Variants in SYT1 observed in about 807,000 individuals in gnomAD.
SYT1 encodes the protein synaptotagmin-1.
A neutral mutation model predicts 44.8 loss-of-function variants in SYT1; 8 were observed. The ratio of observed to expected loss-of-function variants is 0.18; its 90% CI spans 0.10 to 0.32. The LOEUF is 0.32. Among genes scored for constraint, SYT1 ranks in the 10% least tolerant of loss-of-function variants. The probability of loss-of-function intolerance (pLI) is 1.00; values close to 1 mark genes in which losing one functional copy is unlikely to be tolerated. For missense variants in SYT1, 286 were observed against 509.3 expected (o/e 0.56, Z 4.22); for synonymous variants, 154 against 188.8 (o/e 0.82, Z 1.51).
intron 9 of SYT1, among the ~76,000 whole-genome samples, chr12:79,407,207 C>T (rs1335465902): frequency 6.6e-6 from 1 of 152,072 alleles, no homozygotes; most frequent in African/African-American, 2.4e-5. Flanking sequence ...TGATCTGTTA[C>T]TTATGACTAA....
At position 79,285,822 on chromosome 12, in the gene SYT1, G is replaced by A. The variant is rs1193400094; in HGVS notation, c.202G>A (p.Ala68Thr). 25 of 1,611,038 alleles carry A rather than the reference G, an allele frequency of 1.6e-5. No individual in the cohort carries two copies. Among genetic ancestry groups the A allele is most frequent in the African/African-American group, 2.7e-5 (2 of 74,602 alleles). Residue 68 changes from alanine to threonine, a missense_variant, in exon 5 of 11, where the codon GCA becomes ACA. By Grantham distance (58) the Ala-to-Thr change is moderately conservative (BLOSUM62 0). This residue lies in a region of SYT1 where 141 missense variants were observed against 165.7 expected (regional missense o/e 0.85). Coordinates refer to ENST00000261205, the MANE Select transcript of SYT1 (RefSeq NM_005639.3). ...GGCCTTAATTGCAATAGCCATAGTC[G>A]CAGTCCTTTTAGTCCTGACCTGCTG... is the stretch of plus-strand genomic sequence containing the variant. ...PWALIAIAIV[A>T]VLLVLTCCFC... is the part of the protein sequence containing the mutation.
chr12:78,884,028 T>C (rs1874601373), intron 1 of SYT1, among the ~76,000 whole-genome samples: 1 of 103,292 alleles, frequency 9.7e-6, no homozygotes, highest in East Asian at 2.9e-4. Flanking sequence ...TTTAAAATAC[T>C]CAATCTAATA....
chr12:79,014,978 G>A (rs1460809442), intron 2 of SYT1, among the ~76,000 whole-genome samples: 6 of 151,568 alleles, frequency 4.0e-5, no homozygotes, highest in South Asian at 2.1e-4. Flanking sequence ...ACCAAACACC[G>A]CATGTTCTCA....
At chr12:79,282,630 T>C (rs770987977) in intron 4 of SYT1, among the ~76,000 whole-genome samples, 53 of 152,282 alleles carry the variant, frequency 3.5e-4, no homozygotes, top group Admixed American at 1.9e-3. Context: ...TGTTATTTGC[T>C]TCACTGAATT....
chr12:78,981,966 A>G (rs1283045500), intron 2 of SYT1, among the ~76,000 whole-genome samples: 1 of 152,166 alleles, frequency 6.6e-6, no homozygotes, highest in Non-Finnish European at 1.5e-5. Context: ...TGGATAACCC[A>G]GAGAAGAAGG....
At chr12:79,354,745 T>C (rs979595034) in intron 9 of SYT1, among the ~76,000 whole-genome samples, 4 of 152,192 alleles carry the variant, frequency 2.6e-5, no homozygotes, top group African/African-American at 9.7e-5. Context: ...TCTAGAAGTA[T>C]AGAGTATTTA....
At chr12:79,204,385 A>G (rs1300305310) in intron 3 of SYT1, among the ~76,000 whole-genome samples, 1 of 152,228 alleles carries the variant, frequency 6.6e-6, no homozygotes, top group Non-Finnish European at 1.5e-5. Flanking sequence ...ACAGTGTGAT[A>G]AAAGAGGGCT....
At chr12:79,189,337 A>G (rs1022425875) in intron 3 of SYT1, among the ~76,000 whole-genome samples, 1 of 152,162 alleles carries the variant, frequency 6.6e-6, no homozygotes, top group Admixed American at 6.6e-5. Flanking sequence ...AGTATCTACT[A>G]TAGAAGGAAT....
At chr12:79,365,936 A>T (rs773725093) in intron 9 of SYT1, among the ~76,000 whole-genome samples, 3 of 152,078 alleles carry the variant, frequency 2.0e-5, no homozygotes, top group Non-Finnish European at 4.4e-5. Flanking sequence ...ATCCAGCAGC[A>T]TTATTATGAT....
At chr12:79,264,249 T>C (rs987569445) in intron 4 of SYT1, among the ~76,000 whole-genome samples, 4 of 151,666 alleles carry the variant, frequency 2.6e-5, no homozygotes, top group Non-Finnish European at 5.9e-5. Flanking sequence ...GTGTGCTCTC[T>C]GCTCACTGCA....
intron 1 of SYT1, among the ~76,000 whole-genome samples, chr12:78,867,457 G>A (rs549019354): frequency 1.3e-5 from 2 of 152,110 alleles, no homozygotes; most frequent in South Asian, 2.1e-4. Context: ...GTGGATTGGG[G>A]AGAGACCTTA....
chr12:79,297,882 T>C (rs1879949388), intron 7 of SYT1, among the ~76,000 whole-genome samples: 1 of 152,140 alleles, frequency 6.6e-6, no homozygotes, highest in Admixed American at 6.6e-5. Flanking sequence ...CATCTTCTTT[T>C]CCCCCAAAAC....
chr12:79,067,806 A>G (rs1020045089), intron 3 of SYT1, among the ~76,000 whole-genome samples: 4 of 152,324 alleles, frequency 2.6e-5, no homozygotes, highest in Middle Eastern at 3.4e-3. Flanking sequence ...TTATCCTGGC[A>G]TACATCCTCC....
intron 9 of SYT1, among the ~76,000 whole-genome samples, chr12:79,361,691 A>G (rs1883321609): frequency 6.6e-6 from 1 of 152,198 alleles, no homozygotes; most frequent in South Asian, 2.1e-4. Context: ...CCTAATGTAC[A>G]GATTGGTATG....
At chr12:78,941,478 T>C (rs571504725) in intron 1 of SYT1, among the ~76,000 whole-genome samples, 4 of 151,958 alleles carry the variant, frequency 2.6e-5, no homozygotes, top group African/African-American at 9.6e-5. Flanking sequence ...ATTTTCATTG[T>C]TAGAGAAAGT....
In SYT1 at chr12:79,340,440, T is replaced by C. The variant is rs1882314456; in HGVS notation, c.811-13062T>C. 2.6e-5 allele frequency among the ~76,000 whole-genome samples: 4 copies of C among 152,302 alleles called. No individual in the cohort carries two copies. The South Asian group carries it at 8.3e-4, about 32-fold the overall frequency. ...TTTTTCTCTTTGTGGTAATTGTGAA[T>C]GGGAGCTCACTCATGATTTGGCTCT... On this transcript the variant is annotated intron_variant, in intron 8 of 10. Transcript: ENST00000261205.
chr12:79,262,802 A>G (rs1186516810), intron 4 of SYT1, among the ~76,000 whole-genome samples: 1 of 152,218 alleles, frequency 6.6e-6, no homozygotes, highest in Non-Finnish European at 1.5e-5. Flanking sequence ...AAAAAGTGCA[A>G]AAGAACAAAA....
intron 9 of SYT1, among the ~76,000 whole-genome samples, chr12:79,422,442 G>A (rs925673443): frequency 6.6e-5 from 10 of 151,172 alleles, no homozygotes; most frequent in African/African-American, 9.7e-5. Context: ...ATACCTGAAC[G>A]CTTTATCTGG....
chr12:79,054,991 G>A (rs1263022797), intron 3 of SYT1, among the ~76,000 whole-genome samples: 1 of 151,806 alleles, frequency 6.6e-6, no homozygotes, highest in Non-Finnish European at 1.5e-5. Flanking sequence ...TAACAAAGGA[G>A]TCTTTTATAA....
Sources: gnomAD v4.1 joint callset for allele counts (sites outside exome capture counted in the v4.1 genomes callset) on GRCh38, gnomAD v4.1.1 for gene constraint, gnomAD v4.1.1 regional missense constraint, MANE v1.5 for transcripts, NCBI Gene and HGNC (gene_info 2026-07-23, HGNC 2026-07-21) for gene names.